Variants in RFX7 observed in about 807,000 individuals in gnomAD.
RFX7 encodes DNA-binding protein RFX7.
RFX7 carries 26 observed loss-of-function variants against 111.8 expected under a neutral mutation model. The ratio of observed to expected loss-of-function variants is 0.23; its 90% CI spans 0.17 to 0.32. RFX7 has a LOEUF of 0.32. Ranked by LOEUF, RFX7 falls within the 10% of genes least tolerant of loss-of-function variation. The pLI, the probability that RFX7 is intolerant of heterozygous loss-of-function variation, is 1.00. For synonymous variants in RFX7, 624 were observed against 624.4 expected, an observed-to-expected ratio of 1.00 and a Z score of 0.01; for missense variants, 1,573 against 1,772.9, an observed-to-expected ratio of 0.89 and a Z score of 2.02.
intron 2 of RFX7, among the ~76,000 whole-genome samples, chr15:56,212,730 A>C (rs1346943060): frequency 6.6e-6 from 1 of 152,144 alleles, no homozygotes; most frequent in Admixed American, 6.5e-5. Flanking sequence ...GTAAAAAAAC[A>C]TTTCATACGT....
At chr15:56,191,747 A>T (rs1237455434) in intron 2 of RFX7, among the ~76,000 whole-genome samples, 1 of 152,190 alleles carries the variant, frequency 6.6e-6, no homozygotes, top group Non-Finnish European at 1.5e-5. Flanking sequence ...AATGACCAGG[A>T]AAACCGACCT....
intron 4 of RFX7, among the ~76,000 whole-genome samples, chr15:56,144,144 C>T (rs1223454141): frequency 6.6e-6 from 1 of 152,090 alleles, no homozygotes. Flanking sequence ...TAAACATAGT[C>T]ATCTGTCTAT....
At chr15:56,194,668 A>G (rs1381527834) in intron 2 of RFX7, among the ~76,000 whole-genome samples, 1 of 152,080 alleles carries the variant, frequency 6.6e-6, no homozygotes, top group South Asian at 2.1e-4. Context: ...GGCTAATGCT[A>G]AAAAGGTGTA....
At chr15:56,229,253 ATTGTTGTTG>A (rs1202293901) in intron 2 of RFX7, among the ~76,000 whole-genome samples, 2 of 151,980 alleles carry the variant, frequency 1.3e-5, no homozygotes, top group African/African-American at 4.8e-5. Flanking sequence ...CTTTGGCCTA[ATTGTTGTTG>A]TTGTTGTTGT....
intron 5 of RFX7, among the ~76,000 whole-genome samples, chr15:56,121,967 A>C (rs1437489198): frequency 6.6e-6 from 1 of 152,104 alleles, no homozygotes; most frequent in African/African-American, 2.4e-5. Context: ...AGCAATTCTG[A>C]ACTCTCTTTT....
chr15:56,114,411 CA>C lies in RFX7; in HGVS notation c.402-10742del, dbSNP rs55731452. ...AGGCAACAGAGTGAGATTCTGTCTC[CA>C]AAAAAAAAAAAAAAACAAACAACAA... On this transcript the variant is annotated intron_variant, in intron 5 of 9. Transcript: ENST00000559447. Among the ~76,000 whole-genome samples, 231 of 76,762 alleles carry C rather than the reference CA, an allele frequency of 3.0e-3. 1 individual carries two copies. Among genetic ancestry groups the C allele is most frequent in the African/African-American group, 0.012 (197 of 16,882 alleles). The allele number at this position is 76,762 out of a possible 152,430, so 50.4% of individuals were successfully genotyped here. A position where few individuals can be genotyped will look rare whatever the true frequency, so the allele number is the denominator to read the frequency against.
At chr15:56,183,040 TA>T (rs2042992809) in intron 2 of RFX7, among the ~76,000 whole-genome samples, 1 of 152,124 alleles carries the variant, frequency 6.6e-6, no homozygotes, top group African/African-American at 2.4e-5. Context: ...ACTAAAAAGT[TA>T]CTATTCCAAT....
At chr15:56,110,040 G>T (rs1686166079) in intron 5 of RFX7, among the ~76,000 whole-genome samples, 2 of 130,232 alleles carry the variant, frequency 1.5e-5, no homozygotes, top group Non-Finnish European at 1.7e-5. Context: ...GCCCCTACTG[G>T]AAAATGAGGA....
chr15:56,239,126 G>A (rs191403983), intron 2 of RFX7, among the ~76,000 whole-genome samples: 33 of 152,084 alleles, frequency 2.2e-4, no homozygotes, highest in South Asian at 8.3e-4. Flanking sequence ...GAGCCACTGC[G>A]CCTAGTGTGC....
At position 56,179,267 on chromosome 15, in the gene RFX7, T is replaced by TA. The variant is rs1211558689; in HGVS notation, c.195+2dup. The stretch of plus-strand genomic sequence containing the variant: ...GGATTTTAATATTAGTTATTTCACT[T>TA]ACCAAAATGCAGTCCACTTTAGATT... On this transcript the variant is annotated splice_region_variant and intron_variant, in intron 3 of 9. Transcript: ENST00000559447. The TA allele has an allele frequency of 7.9e-7, 1 of 1,272,954 alleles. No homozygotes were observed. 78.9% of individuals were successfully genotyped at this position (1,272,954 alleles called of 1,614,324 possible).
chr15:56,244,945 C>G (rs751036453), upstream of RFX7, among the ~76,000 whole-genome samples: 1 of 152,196 alleles, frequency 6.6e-6, no homozygotes, highest in Non-Finnish European at 1.5e-5. Flanking sequence ...TAGAATACAA[C>G]AGCCAAGGCC....
intron 2 of RFX7, among the ~76,000 whole-genome samples, chr15:56,196,577 G>A (rs2043147667): frequency 6.6e-6 from 1 of 151,960 alleles, no homozygotes; most frequent in African/African-American, 2.4e-5. Context: ...AAATTTGTAT[G>A]TTGAAGCCCT....
chr15:56,103,407 C>A, intron 6 of RFX7, 147 bp downstream of exon 6: 1 of 569,580 alleles, frequency 1.8e-6, no homozygotes, highest in Non-Finnish European at 3.1e-6. Context: ...GTGAAAGTTA[C>A]ATTTGCAATT....
At chr15:56,122,777 T>C (rs1458331765) in intron 5 of RFX7, among the ~76,000 whole-genome samples, 1 of 151,964 alleles carries the variant, frequency 6.6e-6, no homozygotes, top group East Asian at 1.9e-4. Flanking sequence ...CCTTCCCCTT[T>C]CCCTAGTCAG....
chr15:56,094,818 A>G lies in RFX7; in HGVS notation c.2910T>C (p.Ala970=), dbSNP rs757874017. 1.9e-6 allele frequency: 3 copies of G among 1,582,772 alleles called. No individual in the cohort carries two copies. The highest frequency in any genetic ancestry group is 1.8e-5 in the Admixed American group (1 of 54,904). ...PTPTPTSEMI[A]GSQSLSRESP... Reference sequence around the variant, plus strand: ...TCTCCCGTGACAGACTCTGAGATCCAGCAATCATTTCAGATGTCGGGGTTG... The same window carrying G: ...TCTCCCGTGACAGACTCTGAGATCCGGCAATCATTTCAGATGTCGGGGTTG... Residue 970 remains alanine (A), a synonymous_variant, in exon 10 of 10, where the codon GCT becomes GCC. Coordinates refer to ENST00000559447, the MANE Select transcript of RFX7 (RefSeq NM_022841.7).
chr15:56,192,790 C>G, intron 2 of RFX7: 1 of 224,064 alleles, frequency 4.5e-6, no homozygotes, highest in East Asian at 1.1e-4. Context: ...AAATGGAGGC[C>G]AGCAAATCGG....
intron 3 of RFX7, among the ~76,000 whole-genome samples, chr15:56,161,618 G>T (rs916479629): frequency 1.3e-5 from 2 of 151,794 alleles, no homozygotes; most frequent in Non-Finnish European, 2.9e-5. Flanking sequence ...AGATAAATCC[G>T]GAAAGAAACA....
intron 2 of RFX7, among the ~76,000 whole-genome samples, chr15:56,215,176 T>C (rs1275298225): frequency 1.3e-5 from 2 of 152,346 alleles, no homozygotes; most frequent in Admixed American, 1.3e-4. Context: ...TGTTAAATCA[T>C]CTCCAGATTC....
At chr15:56,166,666 T>C (rs1567034429) in intron 3 of RFX7, among the ~76,000 whole-genome samples, 1 of 152,210 alleles carries the variant, frequency 6.6e-6, no homozygotes, top group South Asian at 2.1e-4. Context: ...TGGAACATAC[T>C]GCACAAATAA....
Sources: gnomAD v4.1 joint callset for allele counts (sites outside exome capture counted in the v4.1 genomes callset) on GRCh38, gnomAD v4.1.1 for gene constraint, MANE v1.5 for transcripts, NCBI Gene and HGNC (gene_info 2026-07-23, HGNC 2026-07-21) for gene names.